LPP: variants seen among roughly 807,000 people sequenced by gnomAD.
LPP encodes the protein LIM domain containing preferred translocation partner in lipoma, also known as lipoma-preferred partner.
LPP carries 38 observed loss-of-function variants against 60.4 expected under a neutral mutation model. The ratio of observed to expected loss-of-function variants is 0.63; its 90% confidence interval spans 0.49 to 0.83. The LOEUF is 0.83. Ranked by LOEUF, LPP falls within the 40% of genes least tolerant of loss-of-function variation. The pLI is 0.00. For missense variants in LPP, 902 were observed against 783.6 expected (o/e 1.15, Z -1.80); for synonymous variants, 328 against 290.8 (o/e 1.13, Z -1.30).
chr3:188,220,291 G>A (rs565032353), intron 1 of LPP, among the ~76,000 whole-genome samples: 1 of 129,632 alleles, frequency 7.7e-6, no homozygotes, highest in East Asian at 2.1e-4. Flanking sequence ...CTCATGTCAT[G>A]TCACCGTGTG....
At chr3:188,754,427 C>T (rs558220238) in intron 8 of LPP, among the ~76,000 whole-genome samples, 4 of 152,216 alleles carry the variant, frequency 2.6e-5, no homozygotes, top group South Asian at 2.1e-4. Flanking sequence ...TCAGCCAACT[C>T]GTGGTTGAGC....
chr3:188,201,779 ATT>A (rs1308688667), intron 1 of LPP, among the ~76,000 whole-genome samples: 2 of 152,100 alleles, frequency 1.3e-5, no homozygotes, highest in African/African-American at 4.8e-5. Context: ...TGCCATTGGC[ATT>A]TAGTGGTTGG....
chr3:188,524,618 A>G (rs1369609416), intron 5 of LPP, 47 bp from the exon 6 acceptor site: 5 of 1,571,226 alleles, frequency 3.2e-6, no homozygotes, highest in Admixed American at 1.9e-5. Flanking sequence ...TTATAATGAT[A>G]TCAAGGGAAA....
At chr3:188,748,897 G>A (rs2150290234) in intron 8 of LPP, among the ~76,000 whole-genome samples, 1 of 152,278 alleles carries the variant, frequency 6.6e-6, no homozygotes, top group South Asian at 2.1e-4. Flanking sequence ...TACCAGCTAT[G>A]GTCAAACAGG....
chr3:188,774,571 A>G (rs1737125616), intron 9 of LPP, among the ~76,000 whole-genome samples: 1 of 152,162 alleles, frequency 6.6e-6, no homozygotes, highest in African/African-American at 2.4e-5. Flanking sequence ...AAATGAATGT[A>G]TTATACAGTC....
At chr3:188,694,533 T>A (rs539632820) in intron 7 of LPP, among the ~76,000 whole-genome samples, 166 of 151,448 alleles carry the variant, frequency 1.1e-3, no homozygotes, top group Non-Finnish European at 2.3e-3. Flanking sequence ...AGAAACCCCA[T>A]CTCTACTAAA....
intron 7 of LPP, among the ~76,000 whole-genome samples, chr3:188,693,357 A>T (rs1356227100): frequency 6.6e-6 from 1 of 152,200 alleles, no homozygotes; most frequent in African/African-American, 2.4e-5. Context: ...AAGTGGGAGG[A>T]CATAGTGCAT....
intron 3 of LPP, among the ~76,000 whole-genome samples, chr3:188,396,589 A>G (rs1781004680): frequency 6.6e-6 from 1 of 152,240 alleles, no homozygotes; most frequent in Non-Finnish European, 1.5e-5. Flanking sequence ...GCTAGGTCTC[A>G]TTAGAGATCA....
intron 2 of LPP, among the ~76,000 whole-genome samples, chr3:188,283,887 G>A (rs537896789): frequency 1.8e-3 from 270 of 152,170 alleles, no homozygotes; most frequent in Middle Eastern, 3.4e-3. Context: ...TGAGGCAGGA[G>A]AATCGCTTGA....
chr3:188,729,429 A>C (rs1174012280), intron 8 of LPP, among the ~76,000 whole-genome samples: 1 of 152,238 alleles, frequency 6.6e-6, no homozygotes, highest in Non-Finnish European at 1.5e-5. Context: ...GTAAAACTGA[A>C]GGGATAACCA....
chr3:188,244,627 G>A (rs1577515162), intron 2 of LPP, among the ~76,000 whole-genome samples: 2 of 152,136 alleles, frequency 1.3e-5, no homozygotes, highest in African/African-American at 4.8e-5. Flanking sequence ...TCTATTAGAC[G>A]CTTTATTCAT....
chr3:188,511,102 CCCTCCTT>C (rs1329443281), intron 5 of LPP, among the ~76,000 whole-genome samples: 2 of 117,460 alleles, frequency 1.7e-5, no homozygotes, highest in African/African-American at 3.2e-5. Flanking sequence ...CTCCCTCCCT[CCCTCCTT>C]CCTCCTTCCT....
chr3:188,661,187 C>T (rs530885913), intron 7 of LPP, among the ~76,000 whole-genome samples: 1 of 152,244 alleles, frequency 6.6e-6, no homozygotes, highest in South Asian at 2.1e-4. Context: ...CTTTCTAATG[C>T]TGGATAATAT....
chr3:188,551,024 G>A (rs1330433619), intron 6 of LPP, among the ~76,000 whole-genome samples: 1 of 152,114 alleles, frequency 6.6e-6, no homozygotes, highest in Non-Finnish European at 1.5e-5. Flanking sequence ...TAAAAAAGTA[G>A]TGCCCAAACT....
chr3:188,628,225 T>C (rs745381995), intron 7 of LPP, among the ~76,000 whole-genome samples: 2 of 151,848 alleles, frequency 1.3e-5, no homozygotes, highest in Admixed American at 6.6e-5. Flanking sequence ...CCAAAGTTGA[T>C]AGAAGAAAAT....
chr3:188,489,512 T>G (rs1176031518), intron 5 of LPP, among the ~76,000 whole-genome samples: 1 of 152,218 alleles, frequency 6.6e-6, no homozygotes, highest in African/African-American at 2.4e-5. Context: ...AAAGTAAGTG[T>G]GGTAGGCCTT....
rs150098896 is a variant in LPP at position 188,217,762 on chromosome 3, G to A, written c.-189-7643G>A. ...AGGGGGTTGCCCAGATAAGCAGCTG[G>A]CGTTCCAAGACCAAAGAGTATCTGT... On this transcript the variant is annotated intron_variant, in intron 1 of 11. Coordinates refer to ENST00000617246, the MANE Select transcript of LPP (RefSeq NM_001375462.1). The surrounding 1 kb of genome is among the most constrained non-coding windows in gnomAD (Gnocchi z 4.0). 1.1e-4 allele frequency among the ~76,000 whole-genome samples: 17 copies of A among 152,236 alleles called. 1 individual carries two copies. Among genetic ancestry groups the A allele is most frequent in the African/African-American group, 4.1e-4 (17 of 41,530 alleles).
chr3:188,292,908 C>T (rs1437870352), intron 2 of LPP, among the ~76,000 whole-genome samples: 1 of 152,064 alleles, frequency 6.6e-6, no homozygotes, highest in Non-Finnish European at 1.5e-5. Flanking sequence ...GATTTATGCC[C>T]CCAGTAAGGA....
intron 2 of LPP, among the ~76,000 whole-genome samples, chr3:188,290,928 T>C (rs1017088497): frequency 1.5e-4 from 23 of 152,334 alleles, no homozygotes; most frequent in African/African-American, 5.1e-4. Flanking sequence ...CTCTCTCCCA[T>C]TTCCCTCTTC....
Sources: gnomAD v4.1 joint callset for allele counts (sites outside exome capture counted in the v4.1 genomes callset) on GRCh38, gnomAD v4.1.1 for gene constraint, Gnocchi (gnomAD v3.1) non-coding constraint, MANE v1.5 for transcripts, NCBI Gene and HGNC (gene_info 2026-07-23, HGNC 2026-07-21) for gene names.